The following ANO2 variants were observed in gnomAD, a reference collection of about 807,000 sequenced individuals.
The protein encoded by ANO2 is anoctamin-2.
In ANO2, 101 loss-of-function variants were observed where a neutral mutation model predicts 124.2. The observed-to-expected ratio is 0.81, with a 90% confidence interval of 0.69 to 0.96. The LOEUF (loss-of-function observed/expected upper bound fraction) is 0.96. Among genes scored for constraint, ANO2 ranks in the 40% least tolerant of loss-of-function variants. ANO2 has a pLI of 0.00. For synonymous variants in ANO2, 486 were observed against 482.5 expected, an observed-to-expected ratio of 1.01 and a Z score of -0.09; for missense variants, 1,293 against 1,274.5, an observed-to-expected ratio of 1.01 and a Z score of -0.22.
intron 14 of ANO2, among the ~76,000 whole-genome samples, chr12:5,724,308 C>G (rs1179661964): frequency 6.6e-6 from 1 of 152,038 alleles, no homozygotes; most frequent in East Asian, 1.9e-4. Context: ...ATGTTTTTGA[C>G]CCTCAAGTGG....
chr12:5,780,902 T>C (rs1034507093), intron 10 of ANO2, among the ~76,000 whole-genome samples: 2 of 152,250 alleles, frequency 1.3e-5, no homozygotes, highest in African/African-American at 4.8e-5. Flanking sequence ...GATATTGGGA[T>C]GGCTTACAAG....
intron 4 of ANO2, among the ~76,000 whole-genome samples, chr12:5,842,034 TA>T (rs1181287335): frequency 6.6e-6 from 1 of 152,086 alleles, no homozygotes; most frequent in Non-Finnish European, 1.5e-5. Context: ...CATACCCAGC[TA>T]ACTTCTTAAA....
In ANO2 at chr12:5,895,507, C is replaced by T. The variant is rs550112570; in HGVS notation, c.534+25533G>A. Among the ~76,000 whole-genome samples the T allele has an allele frequency of 7.8e-4, 118 of 152,032 alleles. 1 individual carries two copies. The highest frequency in any genetic ancestry group is 3.4e-3 in the Middle Eastern group (1 of 292). ...GAGACATTTCTTAAGAGAAGATAAA[C>T]AAATAGCCAACAAACATATGAAAAA... On this transcript the variant is annotated intron_variant, in intron 3 of 24. Coordinates refer to ENST00000682330, the MANE Select transcript of ANO2 (RefSeq NM_001364791.2).
intron 4 of ANO2, among the ~76,000 whole-genome samples, chr12:5,836,548 A>G (rs1954324807): frequency 6.6e-6 from 1 of 152,168 alleles, no homozygotes; most frequent in Non-Finnish European, 1.5e-5. Flanking sequence ...CCTCCTCATT[A>G]AAAAGCCTTC....
At chr12:5,650,493 G>A (rs1449711990) in intron 14 of ANO2, among the ~76,000 whole-genome samples, 1 of 152,092 alleles carries the variant, frequency 6.6e-6, no homozygotes, top group East Asian at 1.9e-4. Flanking sequence ...AAGAAGCCAA[G>A]AGAAACACAA....
chr12:5,762,058 T>C (rs922908729), intron 10 of ANO2, among the ~76,000 whole-genome samples: 9 of 152,120 alleles, frequency 5.9e-5, no homozygotes, highest in Admixed American at 3.3e-4. Context: ...AATAAAATTG[T>C]ATAACTGTAT....
chr12:5,922,997 G>GCC (rs201139186), intron 1 of ANO2, among the ~76,000 whole-genome samples, 193 bp from the exon 2 acceptor site: 3 of 151,206 alleles, frequency 2.0e-5, no homozygotes, highest in African/African-American at 7.3e-5. Context: ...AGGAAGTGCG[G>GCC]CCCCCCGACT....
At chr12:5,689,500 A>G (rs1354136542) in intron 14 of ANO2, among the ~76,000 whole-genome samples, 2 of 152,060 alleles carry the variant, frequency 1.3e-5, no homozygotes, top group Admixed American at 1.3e-4. Flanking sequence ...CTCCTCCTAG[A>G]TGTGACATCC....
chr12:5,910,126 T>C (rs970602004), intron 3 of ANO2, among the ~76,000 whole-genome samples: 4 of 152,180 alleles, frequency 2.6e-5, no homozygotes, highest in Non-Finnish European at 4.4e-5. Flanking sequence ...ATGAGTATAA[T>C]TTGTTTTCGA....
At chr12:5,641,893 T>A (rs1946408394) in intron 15 of ANO2, among the ~76,000 whole-genome samples, 2 of 152,124 alleles carry the variant, frequency 1.3e-5, no homozygotes, top group Admixed American at 6.5e-5. Flanking sequence ...AATGGAATTT[T>A]AAAAAAAGAA....
intron 3 of ANO2, among the ~76,000 whole-genome samples, chr12:5,897,172 T>C (rs78251272): frequency 2.3e-3 from 350 of 152,102 alleles, no homozygotes; most frequent in African/African-American, 7.7e-3. Context: ...AAGAATTCAT[T>C]ACAGCAGAAA....
chr12:5,710,941 G>A (rs1053937904), intron 14 of ANO2, among the ~76,000 whole-genome samples: 6 of 152,054 alleles, frequency 3.9e-5, no homozygotes, highest in South Asian at 2.1e-4. Flanking sequence ...GCGGGATCAC[G>A]AGGTCAGGAG....
chr12:5,882,682 T>C (rs1286773579), intron 3 of ANO2, among the ~76,000 whole-genome samples: 2 of 151,856 alleles, frequency 1.3e-5, no homozygotes, highest in East Asian at 3.9e-4. Flanking sequence ...AAAGAGCAAT[T>C]AGGAGGGAGC....
Position 5,865,372 on chromosome 12 carries a change from AACC to A in ANO2, c.535-11234_535-11232del, listed in dbSNP as rs796183663. Among the ~76,000 whole-genome samples, 7 of 103,880 alleles carry A rather than the reference AACC, an allele frequency of 6.7e-5. No homozygotes were observed. The South Asian group carries it at 2.0e-3, about 29-fold the overall frequency. The allele number at this position is 103,880 out of a possible 152,430, so 68.1% of individuals were successfully genotyped here. A position where few individuals can be genotyped will look rare whatever the true frequency, so the allele number is the denominator to read the frequency against. ...ATGCCATGACACCATCATGCATTCA[AACC>A]ATCATGCCATCACATCACCATGCAT... On this transcript the variant is annotated intron_variant, in intron 3 of 24. Coordinates refer to ENST00000682330, the MANE Select transcript of ANO2 (RefSeq NM_001364791.2).
chr12:5,580,632 G>T (rs568656378), intron 20 of ANO2, among the ~76,000 whole-genome samples: 1 of 152,270 alleles, frequency 6.6e-6, no homozygotes, highest in South Asian at 2.1e-4. Context: ...TTCAAATGAA[G>T]AATGAAAAAA....
chr12:5,565,526 C>T (rs756354152), intron 24 of ANO2, 32 bp downstream of exon 24: 42 of 1,539,270 alleles, frequency 2.7e-5, no homozygotes, highest in Admixed American at 7.6e-5. Flanking sequence ...AGCCCGGATT[C>T]GAATGGGCTA....
intron 3 of ANO2, among the ~76,000 whole-genome samples, chr12:5,913,707 G>A (rs1490650899): frequency 6.6e-6 from 1 of 152,180 alleles, no homozygotes; most frequent in Non-Finnish European, 1.5e-5. Flanking sequence ...CCTCCAAGAT[G>A]GGAATAACAG....
chr12:5,741,731 C>T (rs1177273197), intron 12 of ANO2, among the ~76,000 whole-genome samples: 1 of 152,200 alleles, frequency 6.6e-6, no homozygotes, highest in African/African-American at 2.4e-5. Context: ...CATGCACACT[C>T]AATCACATGT....
At chr12:5,938,708 C>G (rs1366529440) in intron 1 of ANO2, among the ~76,000 whole-genome samples, 1 of 152,014 alleles carries the variant, frequency 6.6e-6, no homozygotes, top group African/African-American at 2.4e-5. Flanking sequence ...ACCTGTAATC[C>G]CAGCTACTCA....
Sources: gnomAD v4.1 joint callset for allele counts (sites outside exome capture counted in the v4.1 genomes callset) on GRCh38, gnomAD v4.1.1 for gene constraint, MANE v1.5 for transcripts, NCBI Gene and HGNC (gene_info 2026-07-23, HGNC 2026-07-21) for gene names.